CD86: variants seen among roughly 807,000 people sequenced by gnomAD.
CD86 encodes the protein CD86 molecule.
A neutral mutation model predicts 32.1 loss-of-function variants in CD86; 11 were observed. The observed-to-expected ratio is 0.34, with a 90% CI of 0.22 to 0.57. CD86 has a LOEUF of 0.57. CD86 is among the 20% of genes least tolerant of loss of function. The pLI is 0.86. For synonymous variants in CD86, 137 were observed against 135.3 expected (o/e 1.01, Z -0.09); for missense variants, 359 against 398.4 (o/e 0.90, Z 0.84).
chr3:122,080,691 A>G (rs1304901688), intron 1 of CD86, among the ~76,000 whole-genome samples: 1 of 152,182 alleles, frequency 6.6e-6, no homozygotes, highest in Non-Finnish European at 1.5e-5. Context: ...GGTCAGAAAA[A>G]TCTCCACAAA....
At chr3:122,117,994 CT>C in intron 5 of CD86, 53 bp from the exon 6 acceptor site, 2 of 1,498,044 alleles carry the variant, frequency 1.3e-6, no homozygotes, top group Non-Finnish European at 1.9e-6. Flanking sequence ...AACTTTCCTT[CT>C]TTTGGTATCT....
At chr3:122,087,541 A>T (rs2072744573) in intron 1 of CD86, among the ~76,000 whole-genome samples, 1 of 152,162 alleles carries the variant, frequency 6.6e-6, no homozygotes, top group African/African-American at 2.4e-5. Context: ...ATGGAGAGAA[A>T]TTCTTCATAT....
chr3:122,097,645 G>A (rs1463938734), intron 2 of CD86, among the ~76,000 whole-genome samples: 1 of 152,168 alleles, frequency 6.6e-6, no homozygotes, highest in Non-Finnish European at 1.5e-5. Flanking sequence ...GAATCCAAGG[G>A]TGGGGAGAAT....
chr3:122,092,168 G>C (rs932332010), intron 2 of CD86: 1 of 152,374 alleles, frequency 6.6e-6, no homozygotes, highest in Non-Finnish European at 1.5e-5. Flanking sequence ...ATACCTCATG[G>C]TTGCCACGGC....
chr3:122,116,444 C>A (rs1325321720), intron 5 of CD86, among the ~76,000 whole-genome samples: 1 of 152,118 alleles, frequency 6.6e-6, no homozygotes, highest in Non-Finnish European at 1.5e-5. Flanking sequence ...GATACCACTG[C>A]ACACCCTCTA....
chr3:122,090,674 C>T (rs2072801964), intron 1 of CD86, among the ~76,000 whole-genome samples: 1 of 152,178 alleles, frequency 6.6e-6, no homozygotes, highest in African/African-American at 2.4e-5. Flanking sequence ...TGTTGGTCAC[C>T]TCTCCTTATT....
chr3:122,088,938 C>T (rs1413248662), intron 1 of CD86, among the ~76,000 whole-genome samples: 1 of 152,084 alleles, frequency 6.6e-6, no homozygotes, highest in African/African-American at 2.4e-5. Flanking sequence ...AAATGTCCAT[C>T]AAAAATGAAT....
chr3:122,115,855 A>G (rs1003926905), intron 5 of CD86, among the ~76,000 whole-genome samples: 4 of 152,022 alleles, frequency 2.6e-5, no homozygotes, highest in Admixed American at 2.0e-4. Context: ...GGACAGACAT[A>G]TCAGTCAATG....
intron 1 of CD86, among the ~76,000 whole-genome samples, chr3:122,069,404 A>T (rs2072458174): frequency 6.6e-6 from 1 of 152,214 alleles, no homozygotes; most frequent in Non-Finnish European, 1.5e-5. Context: ...TAAAGCATGA[A>T]AATGTGCATA....
chr3:122,106,615 C>T (rs1027227721), intron 4 of CD86, 115 bp downstream of exon 4: 40 of 914,774 alleles, frequency 4.4e-5, no homozygotes, highest in Admixed American at 3.6e-4. Flanking sequence ...CATTTTATGA[C>T]GCTGTTAGGA....
chr3:122,106,583 G>T lies in CD86; in HGVS notation c.703+83G>T, dbSNP rs1053571644. 5 of 1,264,406 alleles carry T rather than the reference G, an allele frequency of 4.0e-6. No homozygotes were observed. The African/African-American group carries it at 6.0e-5, about 15-fold the overall frequency. The allele number at this position is 1,264,406 out of a possible 1,614,324, so 78.3% of individuals were successfully genotyped here. A position where few individuals can be genotyped will look rare whatever the true frequency, so the allele number is the denominator to read the frequency against. On this transcript the variant is annotated intron_variant, in intron 4 of 6. Coordinates refer to ENST00000330540, the MANE Select transcript of CD86 (RefSeq NM_175862.5). ...GCAGATCATCCAATGTCCCCGACTTGCTAGGAAACCTCCAACTGGGCCATT... is the reference window on the plus strand; with the variant it reads ...GCAGATCATCCAATGTCCCCGACTTTCTAGGAAACCTCCAACTGGGCCATT...
At chr3:122,063,820 G>A (rs2072372902) in intron 1 of CD86, among the ~76,000 whole-genome samples, 1 of 152,040 alleles carries the variant, frequency 6.6e-6, no homozygotes, top group Non-Finnish European at 1.5e-5. Flanking sequence ...CTAAAGTGCT[G>A]TATTATAGGT....
intron 1 of CD86, among the ~76,000 whole-genome samples, chr3:122,084,235 C>T (rs369610020): frequency 1.3e-5 from 2 of 152,362 alleles, no homozygotes; most frequent in African/African-American, 4.8e-5. Context: ...AATCTGCCCA[C>T]CTCGGCCTCC....
Position 122,087,458 on chromosome 3 carries a change from A to G in CD86, c.15-4143A>G, listed in dbSNP as rs183212072. Among the ~76,000 whole-genome samples the G allele has an allele frequency of 2.1e-4, 32 of 152,250 alleles. No individual in the cohort carries two copies. In the East Asian group the frequency reaches 4.4e-3, roughly 21 times the overall value. On this transcript the variant is annotated intron_variant, in intron 1 of 6. Transcript: ENST00000330540. ...GACATTTCTACACTTCTTCACGGCC[A>G]ATGACATTGGAGAAACTGGCTTCCT... is the stretch of plus-strand genomic sequence containing the variant.
In CD86 at chr3:122,106,346, T is replaced by C. The variant is rs1253537642; in HGVS notation, c.549T>C (p.Asp183=). 24 of 1,614,150 alleles carry C rather than the reference T, an allele frequency of 1.5e-5. No homozygotes were observed. The East Asian group carries it at 1.8e-4, about 12-fold the overall frequency. The part of the protein sequence containing the change: ...LRTKNSTIEY[D]GVMQKSQDNV... The stretch of plus-strand genomic sequence containing the variant: ...CCAAGAATTCAACTATCGAGTATGA[T>C]GGTGTTATGCAGAAATCTCAAGATA... The change falls in exon 4 of 7, where the codon GAT becomes GAC. Residue 183 remains aspartate, a synonymous_variant. Coordinates refer to ENST00000330540, the MANE Select transcript of CD86 (RefSeq NM_175862.5).
chr3:122,088,724 C>T (rs1048880847), intron 1 of CD86, among the ~76,000 whole-genome samples: 1 of 152,130 alleles, frequency 6.6e-6, no homozygotes, highest in African/African-American at 2.4e-5. Context: ...TTCCAGTTGT[C>T]GATGGGAATG....
intron 2 of CD86, among the ~76,000 whole-genome samples, chr3:122,099,842 G>T (rs747667211): frequency 1.3e-5 from 2 of 152,150 alleles, no homozygotes; most frequent in Admixed American, 6.5e-5. Context: ...ATATTGTTCA[G>T]CACAGAGACA....
chr3:122,107,137 G>A (rs184576624), intron 4 of CD86, among the ~76,000 whole-genome samples: 8 of 152,292 alleles, frequency 5.3e-5, no homozygotes, highest in African/African-American at 1.9e-4. Flanking sequence ...GCATTCAGAG[G>A]TAGGCAAGAT....
chr3:122,094,385 C>T (rs757090544), intron 2 of CD86, among the ~76,000 whole-genome samples: 70 of 152,042 alleles, frequency 4.6e-4, no homozygotes, highest in Non-Finnish European at 8.5e-4. Flanking sequence ...AAATGGTAAC[C>T]GTTTAAGTTT....
Sources: gnomAD v4.1 joint callset for allele counts (sites outside exome capture counted in the v4.1 genomes callset) on GRCh38, gnomAD v4.1.1 for gene constraint, MANE v1.5 for transcripts, NCBI Gene and HGNC (gene_info 2026-07-23, HGNC 2026-07-21) for gene names.